Variants in SNAPC3 observed in about 807,000 individuals in gnomAD.
SNAPC3 encodes snRNA-activating protein complex subunit 3.
A neutral mutation model predicts 47.7 loss-of-function variants in SNAPC3; 56 were observed. The ratio of observed to expected loss-of-function variants is 1.18; its 90% confidence interval spans 0.95 to 1.47. The LOEUF (loss-of-function observed/expected upper bound fraction) is 1.47, where lower values mean the gene tolerates loss of function less well. Ranked by LOEUF, SNAPC3 falls within the 40% of genes most tolerant of loss-of-function variation. SNAPC3 has a pLI of 0.00. For synonymous variants in SNAPC3, 235 were observed against 189.9 expected (o/e 1.24, Z -1.95); for missense variants, 665 against 511.3 (o/e 1.30, Z -2.90).
At chr9:15,436,434 A>G (rs2032809206) in intron 3 of SNAPC3, among the ~76,000 whole-genome samples, 1 of 152,178 alleles carries the variant, frequency 6.6e-6, no homozygotes, top group South Asian at 2.1e-4. Context: ...TCCTTTCCCT[A>G]GTGAATGATC....
At chr9:15,453,276 GT>G in intron 7 of SNAPC3, 71 bp downstream of exon 7, 5 of 1,256,730 alleles carry the variant, frequency 4.0e-6, no homozygotes, top group Non-Finnish European at 4.4e-6. Flanking sequence ...ACCAGAGATA[GT>G]TTTTTTAAAA....
At chr9:15,458,242 TAGTC>T (rs540186826) in intron 8 of SNAPC3, among the ~76,000 whole-genome samples, 175 bp downstream of exon 8, 4 of 152,290 alleles carry the variant, frequency 2.6e-5, no homozygotes, top group East Asian at 3.9e-4. Context: ...CATTCTTAAA[TAGTC>T]AGGAAATATT....
chr9:15,431,882 G>GTTT (rs1371238180), intron 2 of SNAPC3: 1 of 109,550 alleles, frequency 9.1e-6, no homozygotes, highest in African/African-American at 3.4e-5. Flanking sequence ...ATTAAAGCCT[G>GTTT]TCTTTTTTTT....
downstream of SNAPC3, chr9:15,462,449 CCT>C (rs953664075): frequency 4.3e-4 from 65 of 152,230 alleles, no homozygotes; most frequent in African/African-American, 1.3e-3. Flanking sequence ...CTATAAAACC[CCT>C]GATTTAAGAC....
At chr9:15,429,029 T>C (rs766018016) in intron 2 of SNAPC3, among the ~76,000 whole-genome samples, 9 of 152,200 alleles carry the variant, frequency 5.9e-5, no homozygotes, top group Non-Finnish European at 1.0e-4. Context: ...AACCCAGACT[T>C]ATTGACTTTT....
At chr9:15,466,692 GATTAAA>G, downstream of SNAPC3, 1 of 1,363,904 alleles carries the variant, frequency 7.3e-7, no homozygotes, top group South Asian at 1.3e-5. Context: ...ACAGAACTGT[GATTAAA>G]AACCTGAATA....
At chr9:15,448,787 C>T (rs1048915407) in intron 5 of SNAPC3, among the ~76,000 whole-genome samples, 5 of 151,992 alleles carry the variant, frequency 3.3e-5, no homozygotes, top group African/African-American at 9.7e-5. Flanking sequence ...CAAAATTTTA[C>T]GCGGAGCAGG....
chr9:15,442,580 G>A (rs948241334), intron 3 of SNAPC3, among the ~76,000 whole-genome samples: 27 of 151,336 alleles, frequency 1.8e-4, no homozygotes, highest in South Asian at 1.0e-3. Context: ...ACGGGGCGGC[G>A]GGGCAGAGGC....
rs530054061 is a variant in SNAPC3, at chr9:15,455,830, C to A, written c.981-2130C>A. Among the ~76,000 whole-genome samples the A allele has an allele frequency of 7.2e-5, 11 of 152,106 alleles. No homozygotes were observed. The South Asian group carries it at 2.3e-3, about 32-fold the overall frequency. Reference sequence around the variant, plus strand: ...TCTCATGCCTTAGCCTCCCAAGTAGCTGGGATTACAGGCACGTGCCACCTT... The same window carrying A: ...TCTCATGCCTTAGCCTCCCAAGTAGATGGGATTACAGGCACGTGCCACCTT... On this transcript the variant is annotated intron_variant, in intron 7 of 8. Transcript: ENST00000380821.
chr9:15,446,634 A>G (rs567707416), intron 4 of SNAPC3, among the ~76,000 whole-genome samples: 1 of 152,308 alleles, frequency 6.6e-6, no homozygotes, highest in South Asian at 2.1e-4. Flanking sequence ...CACAGGAAGA[A>G]GCATCATTCT....
At chr9:15,442,221 G>A (rs867610439) in intron 3 of SNAPC3, among the ~76,000 whole-genome samples, 2 of 137,024 alleles carry the variant, frequency 1.5e-5, no homozygotes, top group South Asian at 2.4e-4. Context: ...ACCTCCCTCC[G>A]GGACGGGGCG....
intron 8 of SNAPC3, 95 bp from the exon 9 acceptor site, chr9:15,459,623 TA>T (rs1202029949): frequency 1.1e-5 from 10 of 945,512 alleles, no homozygotes; most frequent in Non-Finnish European, 1.5e-5. Context: ...GATAAGGAAA[TA>T]GAATGTTATA....
chr9:15,423,853 G>T (rs375464010), intron 1 of SNAPC3, 56 bp from the exon 2 acceptor site: 13 of 1,008,610 alleles, frequency 1.3e-5, no homozygotes, highest in Middle Eastern at 4.3e-4. Context: ...ACCCTAACTC[G>T]CTGTGAACCA....
intron 3 of SNAPC3, among the ~76,000 whole-genome samples, chr9:15,442,598 A>C (rs1490186285): frequency 1.4e-5 from 2 of 146,754 alleles, no homozygotes; most frequent in Non-Finnish European, 3.0e-5. Flanking sequence ...GGCGTTCCCC[A>C]CATCTCAGAC....
intron 5 of SNAPC3, 63 bp from the exon 6 acceptor site, chr9:15,451,257 C>A: frequency 1.6e-6 from 1 of 644,158 alleles, no homozygotes; most frequent in South Asian, 2.6e-5. Context: ...TGAATTAATA[C>A]TTAGAGCAAT....
rs761648374 is a variant in SNAPC3 at position 15,423,094 on chromosome 9, C to T, written c.215C>T (p.Pro72Leu). 123 of 1,540,312 alleles carry T rather than the reference C, an allele frequency of 8.0e-5. No homozygotes were observed. Among genetic ancestry groups the T allele is most frequent in the Non-Finnish European group, 1.0e-4 (121 of 1,153,178 alleles). Reference sequence around the variant, plus strand: ...AGGGAGCCGCCGGCATCCGCTCTGCCTGGGAGCCAGGCAGCTGACTCCGAC... The same window carrying T: ...AGGGAGCCGCCGGCATCCGCTCTGCTTGGGAGCCAGGCAGCTGACTCCGAC... ...SLREPPASAL[P>L]GSQAADSDRE... The change falls in exon 1 of 9, where the codon CCT becomes CTT. Residue 72 changes from proline to leucine, a missense_variant. Physicochemically the swap from Pro to Leu is moderately conservative, Grantham distance 98. Coordinates refer to ENST00000380821, the MANE Select transcript of SNAPC3 (RefSeq NM_001039697.2).
At chr9:15,462,938 C>G (rs2035328466), downstream of SNAPC3, 1 of 152,154 alleles carries the variant, frequency 6.6e-6, no homozygotes, top group South Asian at 2.1e-4. Context: ...AAAATCTCTG[C>G]TCTTATACAG....
intron 3 of SNAPC3, among the ~76,000 whole-genome samples, chr9:15,439,226 G>A (rs985396900): frequency 7.9e-5 from 12 of 152,174 alleles, no homozygotes; most frequent in Admixed American, 1.3e-4. Context: ...GCCCAGGCTG[G>A]TCTTGAACTC....
rs967616976 is a variant in SNAPC3, at chr9:15,422,917, G to T, written c.38G>T (p.Gly13Val). The T allele has an allele frequency of 3.3e-6, 5 of 1,537,098 alleles. No individual in the cohort carries two copies. The highest frequency in any genetic ancestry group is 1.2e-5 in the South Asian group (1 of 82,920). ...EGSRGGPTCS[G>V]VGGRQDPVSG... The stretch of plus-strand genomic sequence containing the variant: ...AGCCGAGGTGGCCCTACGTGTAGCG[G>T]GGTGGGTGGCAGGCAGGACCCAGTC... Residue 13 changes from glycine (G) to valine (V), a missense_variant, in exon 1 of 9, where the codon GGG becomes GTG. Coordinates refer to ENST00000380821, the MANE Select transcript of SNAPC3 (RefSeq NM_001039697.2).
Sources: gnomAD v4.1 joint callset for allele counts (sites outside exome capture counted in the v4.1 genomes callset) on GRCh38, gnomAD v4.1.1 for gene constraint, MANE v1.5 for transcripts, NCBI Gene and HGNC (gene_info 2026-07-23, HGNC 2026-07-21) for gene names.